DOCK11: variants seen among roughly 807,000 people sequenced by gnomAD.
DOCK11 encodes dedicator of cytokinesis 11.
Under a neutral mutation model 169.1 loss-of-function variants are expected in DOCK11, and 70 were observed. The ratio of observed to expected loss-of-function variants is 0.41; its 90% CI spans 0.34 to 0.51. DOCK11 has a LOEUF of 0.51. Among genes scored for constraint, DOCK11 ranks in the 20% least tolerant of loss-of-function variants. DOCK11 has a pLI of 0.10. For synonymous variants in DOCK11, 529 were observed against 541.3 expected (o/e 0.98, Z 0.32); for missense variants, 1,166 against 1,538.8 (o/e 0.76, Z 4.05).
intron 23 of DOCK11, among the ~76,000 whole-genome samples, chrX:118,602,523 A>G (rs1340670627): frequency 9.2e-6 from 1 of 109,150 alleles, no homozygotes; most frequent in Non-Finnish European, 1.9e-5. Flanking sequence ...CTGAGGAACT[A>G]CTGTAGACTA....
In DOCK11 at chrX:118,504,755, C is replaced by T. The variant is rs912590061; in HGVS notation, c.102+8682C>T. On this transcript the variant is annotated intron_variant, in intron 1 of 52. Transcript: ENST00000276202. ...ACATTGGCCTGCCGTTTATATCAGCCTACAGCCAGATGCCTTTTTGATTCC... is the reference window on the plus strand; with the variant it reads ...ACATTGGCCTGCCGTTTATATCAGCTTACAGCCAGATGCCTTTTTGATTCC... Among the ~76,000 whole-genome samples the T allele has an allele frequency of 4.5e-5, 5 of 111,903 alleles. No homozygotes were observed. In the Admixed American group the frequency reaches 4.8e-4, roughly 11 times the overall value.
intron 6 of DOCK11, among the ~76,000 whole-genome samples, chrX:118,547,857 T>A (rs1268754884): frequency 1.8e-5 from 2 of 112,308 alleles, no homozygotes; most frequent in Admixed American, 1.9e-4. Flanking sequence ...TGTATCGTTT[T>A]TGACTGCATT....
At chrX:118,656,836 G>A (rs1203615314) in intron 44 of DOCK11, among the ~76,000 whole-genome samples, 1 of 111,017 alleles carries the variant, frequency 9.0e-6, no homozygotes, top group Non-Finnish European at 1.9e-5. Context: ...TCAGAAGGCT[G>A]AGGCAGGAGC....
At chrX:118,675,742 C>G (rs908141025) in intron 46 of DOCK11, among the ~76,000 whole-genome samples, 194 bp from the exon 47 acceptor site, 5 of 108,712 alleles carry the variant, frequency 4.6e-5, no homozygotes, top group Non-Finnish European at 9.6e-5. Context: ...TGTTATTTTA[C>G]CATTTTAAGT....
At chrX:118,574,957 T>C (rs2013399924) in intron 12 of DOCK11, among the ~76,000 whole-genome samples, 1 of 112,040 alleles carries the variant, frequency 8.9e-6, no homozygotes, top group Non-Finnish European at 1.9e-5. Context: ...GCTAGACTTT[T>C]GCAGCTAAAA....
chrX:118,570,026 A>G (rs911940963), intron 10 of DOCK11, among the ~76,000 whole-genome samples: 1 of 112,429 alleles, frequency 8.9e-6, no homozygotes, highest in Non-Finnish European at 1.9e-5. Context: ...ATGGTAAGAG[A>G]GAAATTCACA....
intron 1 of DOCK11, among the ~76,000 whole-genome samples, chrX:118,521,407 G>A (rs10482483): frequency 4.5e-5 from 5 of 112,306 alleles, no homozygotes; most frequent in Non-Finnish European, 9.4e-5. Flanking sequence ...ATTCACCTCC[G>A]TGTGTAGTTT....
At chrX:118,551,568 C>A (rs1338069019) in intron 6 of DOCK11, among the ~76,000 whole-genome samples, 1 of 110,413 alleles carries the variant, frequency 9.1e-6, no homozygotes, top group Non-Finnish European at 1.9e-5. Flanking sequence ...CATGGTGACG[C>A]ATGCCTGTAT....
rs969606807 is a variant in DOCK11 at position 118,634,875 on chromosome X, C to T, written c.3887-1471C>T. On this transcript the variant is annotated intron_variant, in intron 35 of 52. Coordinates refer to ENST00000276202, the MANE Select transcript of DOCK11 (RefSeq NM_144658.4). ...TCCTGAGTAACTGGGATTACAGGCG[C>T]GCCACCACGCCCAACTAATTTTTGT... Among the ~76,000 whole-genome samples the T allele has an allele frequency of 2.3e-4, 26 of 110,715 alleles. No homozygotes were observed. The East Asian group carries it at 5.1e-3, about 22-fold the overall frequency.
intron 8 of DOCK11, 40 bp from the exon 9 acceptor site, chrX:118,566,534 T>A: frequency 2.6e-6 from 3 of 1,148,594 alleles, no homozygotes; most frequent in Non-Finnish European, 3.6e-6. Context: ...TTAGTAATGG[T>A]CTGTATGGTT....
rs144986027 is a variant in DOCK11, at chrX:118,512,121, C to T, written c.102+16048C>T. Among the ~76,000 whole-genome samples, 1,112 of 111,569 alleles carry T rather than the reference C, an allele frequency of 1.0e-2. 15 individuals carry two copies. The highest frequency in any genetic ancestry group is 0.034 in the African/African-American group (1,053 of 30,646). On this transcript the variant is annotated intron_variant, in intron 1 of 52. Coordinates refer to ENST00000276202, the MANE Select transcript of DOCK11 (RefSeq NM_144658.4). ...TTCACCGTGTTGCCCAGGCTGGTCG[C>T]GAACTCCTGAGCTCAGACAATCTGC... is the stretch of plus-strand genomic sequence containing the variant.
rs144875588 is a variant in DOCK11 at position 118,673,894 on chromosome X, T to G, written c.5200-2042T>G. ...TATGTCATATAAAAGGAATACAGATTGAGCCTCTCTAATCTGAAAATTCGA... is the reference window on the plus strand; with the variant it reads ...TATGTCATATAAAAGGAATACAGATGGAGCCTCTCTAATCTGAAAATTCGA... On this transcript the variant is annotated intron_variant, in intron 46 of 52. Transcript: ENST00000276202. Among the ~76,000 whole-genome samples, 22 of 111,762 alleles carry G rather than the reference T, an allele frequency of 2.0e-4. No homozygotes were observed. The East Asian group carries it at 6.2e-3, about 31-fold the overall frequency.
chrX:118,565,902 G>T, intron 7 of DOCK11, 103 bp from the exon 8 acceptor site: 1 of 774,525 alleles, frequency 1.3e-6, no homozygotes. Context: ...AAGTCTTGAC[G>T]CACATATGCA....
At chrX:118,593,180 C>T (rs368011119) in intron 19 of DOCK11, 34 bp from the exon 20 acceptor site, 30 of 1,172,803 alleles carry the variant, frequency 2.6e-5, no homozygotes, top group African/African-American at 1.8e-4. Context: ...CTTGAGAAAA[C>T]GAAGTTCCAT....
Position 118,675,955 on chromosome X carries a change from G to A in DOCK11, c.5219G>A (p.Arg1740Lys), listed in dbSNP as rs775643914. 1 of 1,176,074 alleles carries A rather than the reference G, an allele frequency of 8.5e-7. No individual in the cohort carries two copies. ...TTTCAGAAACTTACTCAAGTTTATA[G>A]AACTCTTCATGGAGCTTACACAAAA... ...REFEKLTQVYRTLHGAYTKIL... is the reference protein window; with the variant it reads ...REFEKLTQVYKTLHGAYTKIL... Residue 1740 changes from arginine (R) to lysine (K), a missense_variant, in exon 47 of 53, where the codon AGA becomes AAA. Arg to Lys is a conservative substitution (Grantham distance 26). Transcript: ENST00000276202.
intron 30 of DOCK11, among the ~76,000 whole-genome samples, chrX:118,617,064 A>G (rs981113024): frequency 1.8e-5 from 2 of 112,039 alleles, no homozygotes; most frequent in African/African-American, 6.5e-5. Context: ...TTAAGTCCCA[A>G]CTGAATATAA....
Position 118,552,433 on chromosome X carries a change from A to G in DOCK11, c.558+6317A>G, listed in dbSNP as rs143469447. Reference sequence around the variant, plus strand: ...TAGGCTGAGTTCTTCGTATTGGAAGATTATAAGACCACATATTTATAGGAT... The same window carrying G: ...TAGGCTGAGTTCTTCGTATTGGAAGGTTATAAGACCACATATTTATAGGAT... On this transcript the variant is annotated intron_variant, in intron 6 of 52. Coordinates refer to ENST00000276202, the MANE Select transcript of DOCK11 (RefSeq NM_144658.4). 5.7e-3 allele frequency among the ~76,000 whole-genome samples: 635 copies of G among 111,929 alleles called. 1 individual carries two copies. Among genetic ancestry groups the G allele is most frequent in the African/African-American group, 0.019 (589 of 30,867 alleles).
intron 1 of DOCK11, among the ~76,000 whole-genome samples, chrX:118,505,635 G>C (rs745731313): frequency 2.7e-5 from 3 of 112,337 alleles, no homozygotes; most frequent in Admixed American, 9.4e-5. Flanking sequence ...TGAGGTTCTT[G>C]CCAATACCCG....
intron 8 of DOCK11, 136 bp downstream of exon 8, chrX:118,566,318 A>T: frequency 1.6e-6 from 1 of 630,636 alleles, no homozygotes; most frequent in Non-Finnish European, 2.4e-6. Context: ...GTGACTGTGG[A>T]GGTTGATAGA....
Sources: gnomAD v4.1 joint callset for allele counts (sites outside exome capture counted in the v4.1 genomes callset) on GRCh38, gnomAD v4.1.1 for gene constraint, MANE v1.5 for transcripts, NCBI Gene and HGNC (gene_info 2026-07-23, HGNC 2026-07-21) for gene names.